Variants in COLQ observed in about 807,000 individuals in gnomAD.
COLQ encodes collagen like tail subunit of asymmetric acetylcholinesterase, also known as acetylcholinesterase collagenic tail peptide.
COLQ carries 48 observed loss-of-function variants against 69.0 expected under a neutral mutation model. That is an observed-to-expected ratio of 0.70 (90% CI 0.55 to 0.88). The LOEUF is 0.88. Ranked by LOEUF, COLQ falls within the 40% of genes least tolerant of loss-of-function variation. The pLI is 0.00. For missense variants in COLQ, 618 were observed against 594.6 expected (o/e 1.04, Z -0.41); for synonymous variants, 217 against 211.2 (o/e 1.03, Z -0.24).
At chr3:15,462,414 C>T (rs956734919) in intron 12 of COLQ, among the ~76,000 whole-genome samples, 2 of 152,194 alleles carry the variant, frequency 1.3e-5, no homozygotes, top group Admixed American at 6.5e-5. Context: ...ATTGCCCCAT[C>T]TTCTCTTTAC....
intron 1 of COLQ, chr3:15,498,658 C>T (rs2062787110): frequency 4.5e-6 from 7 of 1,550,806 alleles, no homozygotes; most frequent in Middle Eastern, 1.7e-4. Flanking sequence ...CGTCACGCCT[C>T]TGAGTGCTCC....
chr3:15,485,089 C>T (rs1268690179), intron 3 of COLQ, among the ~76,000 whole-genome samples: 1 of 151,000 alleles, frequency 6.6e-6, no homozygotes, highest in Non-Finnish European at 1.5e-5. Context: ...TGTAGATGTC[C>T]TTTCTGTTTG....
chr3:15,503,036 G>A (rs2062854079), intron 1 of COLQ, among the ~76,000 whole-genome samples: 1 of 152,160 alleles, frequency 6.6e-6, no homozygotes, highest in African/African-American at 2.4e-5. Flanking sequence ...GAGTTCCAAA[G>A]GCACCTTGCA....
At chr3:15,493,821 C>A (rs547946034) in intron 1 of COLQ, among the ~76,000 whole-genome samples, 1 of 152,220 alleles carries the variant, frequency 6.6e-6, no homozygotes, top group Non-Finnish European at 1.5e-5. Flanking sequence ...TGGTGGCTCA[C>A]GCCTGTAATC....
intron 3 of COLQ, among the ~76,000 whole-genome samples, chr3:15,480,081 A>C (rs1351936239): frequency 6.6e-6 from 1 of 152,222 alleles, no homozygotes; most frequent in Admixed American, 6.5e-5. Context: ...CAAATTCTCC[A>C]AAACAGCAGA....
intron 1 of COLQ, among the ~76,000 whole-genome samples, chr3:15,513,720 A>G (rs919461836): frequency 2.6e-5 from 4 of 152,122 alleles, no homozygotes; most frequent in African/African-American, 7.2e-5. Flanking sequence ...GACAGTACAC[A>G]CCACGGTGCC....
In COLQ at chr3:15,521,542, G is replaced by A; in HGVS notation, c.84C>T (p.Asn28=). ...TACCTGCTGAGATTGGAAGAACGCTGTTGATGAAAGTCGGCTGAGACACGA... is the reference window on the plus strand; with the variant it reads ...TACCTGCTGAGATTGGAAGAACGCTATTGATGAAAGTCGGCTGAGACACGA... ...LSIVSQPTFI[N]SVLPISAALP... The change falls in exon 1 of 17, where the codon AAC becomes AAT. Residue 28 remains asparagine (N), a synonymous_variant. Transcript: ENST00000383788. The A allele has an allele frequency of 3.1e-6, 5 of 1,614,194 alleles. No homozygotes were observed. Among genetic ancestry groups the A allele is most frequent in the Non-Finnish European group, 4.2e-6 (5 of 1,180,036 alleles).
Position 15,479,354 on chromosome 3 carries a change from C to T in COLQ, c.350G>A (p.Gly117Glu), listed in dbSNP as rs1454015671. The change falls in exon 4 of 17, where the codon GGA (glycine) becomes GAA (glutamate). Residue 117 changes from glycine to glutamate, a missense_variant. Transcript: ENST00000383788. ...GGTCCATACCTTTTCTCCCTTTGGT[C>T]CTGTCTTGCCAGGAAGCCCCGGTGG... is the stretch of plus-strand genomic sequence containing the variant. ...QGPPGLPGKTGPKGEKGELGR... is the reference protein window; with the variant it reads ...QGPPGLPGKTEPKGEKGELGR... 1.9e-6 allele frequency: 3 copies of T among 1,614,074 alleles called. No homozygotes were observed. The highest frequency in any genetic ancestry group is 8.5e-7 in the Non-Finnish European group (1 of 1,179,972).
intron 11 of COLQ, among the ~76,000 whole-genome samples, 180 bp downstream of exon 11, chr3:15,470,356 G>A (rs966267517): frequency 1.3e-5 from 2 of 152,016 alleles, no homozygotes; most frequent in Admixed American, 6.5e-5. Context: ...TTCAAACTAC[G>A]GCTAGCCTAG....
At chr3:15,477,064 G>A (rs2062390861) in intron 6 of COLQ, 62 bp downstream of exon 6, 2 of 1,453,884 alleles carry the variant, frequency 1.4e-6, no homozygotes, top group East Asian at 2.4e-5. Context: ...AGCCAGGAAA[G>A]CTGCCATCTT....
intron 16 of COLQ, among the ~76,000 whole-genome samples, 189 bp from the exon 17 acceptor site, chr3:15,451,902 GC>G (rs920968786): frequency 6.6e-6 from 1 of 152,172 alleles, no homozygotes; most frequent in African/African-American, 2.4e-5. Context: ...CTAGCTCGGG[GC>G]CTGGGTGGAA....
In COLQ at chr3:15,451,572, TG is replaced by T; in HGVS notation, c.*71del. 1 of 1,416,212 alleles carries T rather than the reference TG, an allele frequency of 7.1e-7. No individual in the cohort carries two copies. Among genetic ancestry groups the T allele is most frequent in the Non-Finnish European group, 1.0e-6 (1 of 999,442 alleles). The allele number at this position is 1,416,212 out of a possible 1,614,324, so 87.7% of individuals were successfully genotyped here. On this transcript the variant is annotated 3_prime_UTR_variant, in exon 17 of 17. Coordinates refer to ENST00000383788, the MANE Select transcript of COLQ (RefSeq NM_005677.4). ...GGTTGGTGGAGACGGGGCCAGGACATGGCCAGTTTGATGACAGTGGAGAAGC... is the reference window on the plus strand; with the variant it reads ...GGTTGGTGGAGACGGGGCCAGGACATGCCAGTTTGATGACAGTGGAGAAGC...
rs751047677 is a variant in COLQ at position 15,494,356 on chromosome 3, C to G, written c.107-4719G>C. Among the ~76,000 whole-genome samples, 102 of 152,030 alleles carry G rather than the reference C, an allele frequency of 6.7e-4. 1 individual carries two copies. Among genetic ancestry groups the G allele is most frequent in the Non-Finnish European group, 8.8e-5 (6 of 68,018 alleles). On this transcript the variant is annotated intron_variant, in intron 1 of 16. Transcript: ENST00000383788. Reference sequence around the variant, plus strand: ...GACTGATGCAGAGAAACGGGGCCAACATGTTGCAGGAGGGAAGAAGCAGGA... The same window carrying G: ...GACTGATGCAGAGAAACGGGGCCAAGATGTTGCAGGAGGGAAGAAGCAGGA...
At chr3:15,452,762 G>C (rs1435842655) in intron 16 of COLQ, among the ~76,000 whole-genome samples, 1 of 152,194 alleles carries the variant, frequency 6.6e-6, no homozygotes, top group Non-Finnish European at 1.5e-5. Context: ...TGGGCTTAGA[G>C]TCTGGGGGAG....
At chr3:15,457,075 C>T (rs1056858981) in intron 13 of COLQ, among the ~76,000 whole-genome samples, 1 of 152,110 alleles carries the variant, frequency 6.6e-6, no homozygotes, top group African/African-American at 2.4e-5. Context: ...CCACCCACCT[C>T]GGCCTCCCAA....
At chr3:15,483,832 T>C (rs2062530381) in intron 3 of COLQ, among the ~76,000 whole-genome samples, 1 of 152,192 alleles carries the variant, frequency 6.6e-6, no homozygotes, top group South Asian at 2.1e-4. Context: ...CTCCCATTAT[T>C]ATTGGGTGGG....
At chr3:15,483,114 A>T (rs1487254378) in intron 3 of COLQ, among the ~76,000 whole-genome samples, 1 of 151,840 alleles carries the variant, frequency 6.6e-6, no homozygotes, top group Non-Finnish European at 1.5e-5. Flanking sequence ...CTTCTTTATT[A>T]GTCTTGCTAG....
chr3:15,455,981 C>T lies in COLQ; in HGVS notation c.1113G>A (p.Gln371=). Residue 371 remains glutamine (Q), a synonymous_variant, in exon 15 of 17, where the codon CAG becomes CAA. Transcript: ENST00000383788. ...GGAGCCCATCCCCACAGGTGCCGTG[C>T]TGGTCTGCAGTGTAATCCACAGGGT... ...PFYPVDYTAD[Q]HGTCGDGLLQ... The T allele has an allele frequency of 6.2e-7, 1 of 1,613,976 alleles. No individual in the cohort carries two copies.
At chr3:15,468,927 A>G (rs140024782) in intron 11 of COLQ, among the ~76,000 whole-genome samples, 5 of 152,302 alleles carry the variant, frequency 3.3e-5, no homozygotes, top group Admixed American at 3.3e-4. Context: ...TGAATTTCTG[A>G]TTTTTGGCTT....
Sources: allele counts gnomAD v4.1 joint callset (sites outside exome capture counted in the v4.1 genomes callset), GRCh38; gene constraint gnomAD v4.1.1; transcripts MANE v1.5; gene names NCBI Gene and HGNC (gene_info 2026-07-23, HGNC 2026-07-21).